HDAC5: variants seen among roughly 807,000 people sequenced by gnomAD.
HDAC5 encodes the protein histone deacetylase 5.
In HDAC5, 25 loss-of-function variants were observed where a neutral mutation model predicts 133.3. The ratio of observed to expected loss-of-function variants is 0.19; its 90% CI spans 0.14 to 0.26. The LOEUF (loss-of-function observed/expected upper bound fraction) is 0.26. Among genes scored for constraint, HDAC5 ranks in the 10% least tolerant of loss-of-function variants. The pLI is 1.00. For synonymous variants in HDAC5, 589 were observed against 610.8 expected (o/e 0.96, Z 0.53); for missense variants, 1,041 against 1,460.5 (o/e 0.71, Z 4.68).
chr17:44,078,978 G>A (rs1036896350), intron 24 of HDAC5, 99 bp from the exon 25 acceptor site: 13 of 1,514,902 alleles, frequency 8.6e-6, no homozygotes, highest in Non-Finnish European at 9.1e-6. Flanking sequence ...CTCACAACAG[G>A]GGCAAACATG....
At position 44,088,415 on chromosome 17, in the gene HDAC5, T is replaced by G; in HGVS notation, c.1571A>C (p.Gln524Pro). 1.3e-6 allele frequency: 2 copies of G among 1,563,604 alleles called. No homozygotes were observed. Among genetic ancestry groups the G allele is most frequent in the Non-Finnish European group, 1.7e-6 (2 of 1,154,554 alleles). The change falls in exon 12 of 27, where the codon CAG becomes CCG. Residue 524 changes from glutamine (Q) to proline (P), a missense_variant. By Grantham distance (76) the Gln-to-Pro change is moderately conservative (BLOSUM62 -1). Transcript: ENST00000682912. ...GCCCAGCTGTAGCTGCTGCTGCTTCTGCTTCTCCAGGAACTGCTGGTGCTG... is the reference window on the plus strand; with the variant it reads ...GCCCAGCTGTAGCTGCTGCTGCTTCGGCTTCTCCAGGAACTGCTGGTGCTG... Reference protein sequence around the residue: ...QQQHQQFLEKQKQQQLQLGKI... With the variant: ...QQQHQQFLEKPKQQQLQLGKI...
At chr17:44,081,846 G>A (rs1352247195) in intron 20 of HDAC5, 1 of 152,216 alleles carries the variant, frequency 6.6e-6, no homozygotes, top group Non-Finnish European at 1.5e-5. Flanking sequence ...CTCCCAAAAT[G>A]CTGGGATTAC....
In HDAC5 at chr17:44,093,667, G is replaced by C; in HGVS notation, c.262C>G (p.Gln88Glu). The change falls in exon 4 of 27, where the codon CAG becomes GAG. Residue 88 changes from glutamine to glutamate, a missense_variant. Transcript: ENST00000682912. ...QELLALKQQQ[Q>E]LQKQLLFAEF... ...GCGAACAGGAGCTGCTTCTGCAGCT[G>C]CTGCTGCTGCTTGAGCGCCAGGAGC... The C allele has an allele frequency of 6.2e-7, 1 of 1,611,490 alleles. No homozygotes were observed. The highest frequency in any genetic ancestry group is 8.5e-7 in the Non-Finnish European group (1 of 1,179,156).
chr17:44,084,773 C>T, intron 15 of HDAC5, 98 bp from the exon 16 acceptor site: 2 of 1,455,246 alleles, frequency 1.4e-6, no homozygotes, highest in Non-Finnish European at 1.9e-6. Flanking sequence ...TTCCTGGCCT[C>T]AGGAGATCCA....
rs199980075 is a variant in HDAC5, at chr17:44,092,698, G to A, written c.750C>T (p.Asp250=). ...LPLPGPYDSR[D]DFPLRKTASE... Reference sequence around the variant, plus strand: ...CACCTGTTTTGCGGAGGGGGAAGTCGTCTCGACTGTCGTAGGGCCCAGGCA... The same window carrying A: ...CACCTGTTTTGCGGAGGGGGAAGTCATCTCGACTGTCGTAGGGCCCAGGCA... The change falls in exon 7 of 27, where the codon GAC becomes GAT. Residue 250 remains aspartate, a synonymous_variant. Coordinates refer to ENST00000682912, the MANE Select transcript of HDAC5 (RefSeq NM_005474.5). 103 of 1,516,326 alleles carry A rather than the reference G, an allele frequency of 6.8e-5. No homozygotes were observed. The African/African-American group carries it at 1.2e-3, about 17-fold the overall frequency. 93.9% of individuals were successfully genotyped at this position (1,516,326 alleles called of 1,614,324 possible).
Position 44,091,703 on chromosome 17 carries a change from G to A in HDAC5, c.1161C>T (p.Leu387=). ...GGGGTATATGCCCTGTACTTACAGTGAGGTGTGAGTTGGTGACAGTGACCG... is the reference window on the plus strand; with the variant it reads ...GGGGTATATGCCCTGTACTTACAGTAAGGTGTGAGTTGGTGACAGTGACCG... ...QATVTVTNSH[L]TASPKLSTQQ... Residue 387 remains leucine (L), a synonymous_variant, in exon 10 of 27, where the codon CTC becomes CTT. Coordinates refer to ENST00000682912, the MANE Select transcript of HDAC5 (RefSeq NM_005474.5). The A allele has an allele frequency of 6.4e-7, 1 of 1,560,540 alleles. No homozygotes were observed. Among genetic ancestry groups the A allele is most frequent in the Non-Finnish European group, 8.7e-7 (1 of 1,154,534 alleles).
At chr17:44,086,368 G>A (rs1168459042) in intron 14 of HDAC5, among the ~76,000 whole-genome samples, 1 of 152,186 alleles carries the variant, frequency 6.6e-6, no homozygotes, top group Admixed American at 6.5e-5. Flanking sequence ...TGAGAAAGAC[G>A]CTACCCACTC....
chr17:44,095,758 A>C (rs1324508189), intron 3 of HDAC5, among the ~76,000 whole-genome samples: 1 of 151,902 alleles, frequency 6.6e-6, no homozygotes, highest in Non-Finnish European at 1.5e-5. Flanking sequence ...AGGTGGGAGG[A>C]GGAGACAGGA....
chr17:44,108,099 G>A (rs2052086449), intron 3 of HDAC5, among the ~76,000 whole-genome samples: 1 of 152,152 alleles, frequency 6.6e-6, no homozygotes, highest in Non-Finnish European at 1.5e-5. Context: ...TGTGCACTGG[G>A]GAGCTGTGGT....
chr17:44,093,824 C>T lies in HDAC5; in HGVS notation c.105G>A (p.Lys35=). 1 of 1,510,476 alleles carries T rather than the reference C, an allele frequency of 6.6e-7. No homozygotes were observed. The highest frequency in any genetic ancestry group is 8.9e-7 in the Non-Finnish European group (1 of 1,129,306). The allele number at this position is 1,510,476 out of a possible 1,614,324, so 93.6% of individuals were successfully genotyped here. The part of the protein sequence containing the change: ...LHSIPVTVEV[K]PVLPRAMPSS... The stretch of plus-strand genomic sequence containing the variant: ...TGGGCATGGCTCTTGGCAGCACCGG[C>T]TTCACCTCCACTGTGGGCAGAAGAG... The change falls in exon 4 of 27, where the codon AAG becomes AAA. Residue 35 remains lysine, a synonymous_variant. Transcript: ENST00000682912.
chr17:44,094,694 TCGACG>T (rs2051150127), intron 3 of HDAC5, among the ~76,000 whole-genome samples: 1 of 152,002 alleles, frequency 6.6e-6, no homozygotes, highest in African/African-American at 2.4e-5. Context: ...TTGTGACTAC[TCGACG>T]CATTTTATGT....
In HDAC5 at chr17:44,092,479, G is replaced by A. The variant is rs1183658398; in HGVS notation, c.821C>T (p.Ala274Val). ...KVRSRLKQKV[A>V]ERRSSPLLRR... ...CAGGAGGGGACTGCTTCTCCGCTCA[G>A]CCACCTTCTGTTTTAGCCTTGAACG... Residue 274 changes from alanine to valine, a missense_variant, in exon 8 of 27, where the codon GCT (alanine) becomes GTT (valine). Transcript: ENST00000682912. 6.2e-7 allele frequency: 1 copy of A among 1,613,968 alleles called. No homozygotes were observed. The highest frequency in any genetic ancestry group is 2.2e-5 in the East Asian group (1 of 44,882).
intron 11 of HDAC5, among the ~76,000 whole-genome samples, chr17:44,090,937 C>A (rs1294955509): frequency 6.6e-6 from 1 of 152,224 alleles, no homozygotes; most frequent in African/African-American, 2.4e-5. Flanking sequence ...GATCCACCCG[C>A]CTCAGCCTCC....
intron 3 of HDAC5, among the ~76,000 whole-genome samples, chr17:44,108,910 G>GT (rs2052163449): frequency 6.6e-6 from 1 of 151,922 alleles, no homozygotes; most frequent in Admixed American, 6.6e-5. Flanking sequence ...CCTCCCTCCT[G>GT]CCAGCATGGA....
At position 44,082,683 on chromosome 17, in the gene HDAC5, G is replaced by A. The variant is rs756236594; in HGVS notation, c.2520-11C>T. 1 of 1,613,652 alleles carries A rather than the reference G, an allele frequency of 6.2e-7. No homozygotes were observed. The highest frequency in any genetic ancestry group is 1.1e-5 in the South Asian group (1 of 91,046). ...AAGAAGCAGAATCCCCTGAGGAGGG[G>A]AGAAAAGGGCAGGAGGTCAGCCTCA... On this transcript the variant is annotated splice_polypyrimidine_tract_variant and intron_variant, in intron 19 of 26. Coordinates refer to ENST00000682912, the MANE Select transcript of HDAC5 (RefSeq NM_005474.5).
In HDAC5 at chr17:44,080,707, T is replaced by C. The variant is rs1169704752; in HGVS notation, c.2727+56A>G. ...CTCCGTGGCTCCCCGCCAGGTCCCA[T>C]TGTGCCACCTCCCAGAGGGGCCAGG... On this transcript the variant is annotated intron_variant, in intron 21 of 26. Coordinates refer to ENST00000682912, the MANE Select transcript of HDAC5 (RefSeq NM_005474.5). The C allele has an allele frequency of 4.9e-5, 79 of 1,612,048 alleles. No homozygotes were observed. The South Asian group carries it at 7.6e-4, about 15-fold the overall frequency.
intron 1 of HDAC5, among the ~76,000 whole-genome samples, chr17:44,122,005 A>G (rs2053036430): frequency 6.6e-6 from 1 of 152,126 alleles, no homozygotes; most frequent in Non-Finnish European, 1.5e-5. Context: ...TCAAGTGAAG[A>G]GAGGGCAAAG....
In HDAC5 at chr17:44,110,765, G is replaced by A. The variant is rs370797021; in HGVS notation, c.58C>T (p.Leu20=). 4 of 1,613,998 alleles carry A rather than the reference G, an allele frequency of 2.5e-6. No individual in the cohort carries two copies. In the East Asian group the frequency reaches 8.9e-5, roughly 36 times the overall value. The stretch of plus-strand genomic sequence containing the variant: ...ATGCTGTGCAGAGAAGTCCGCGGCA[G>A]GATTTCCAAGGATGGTTCCCGACCT... ...MSGREPSLEI[L]PRTSLHSIPV... is the part of the protein sequence containing the mutation. The change falls in exon 3 of 27, where the codon CTG becomes TTG. Residue 20 remains leucine, a synonymous_variant. Coordinates refer to ENST00000682912, the MANE Select transcript of HDAC5 (RefSeq NM_005474.5).
At position 44,115,826 on chromosome 17, in the gene HDAC5, G is replaced by A. The variant is rs141394154; in HGVS notation, c.22+1668C>T. The stretch of plus-strand genomic sequence containing the variant: ...GGAGCTGGAAAGCCAGGCAGGACGC[G>A]GGGCCCATTCCACAGGCCCACTCAG... On this transcript the variant is annotated intron_variant, in intron 2 of 26. Coordinates refer to ENST00000682912, the MANE Select transcript of HDAC5 (RefSeq NM_005474.5). 793 of 152,340 alleles carry A rather than the reference G, an allele frequency of 5.2e-3. 2 individuals carry two copies. The highest frequency in any genetic ancestry group is 8.7e-3 in the Non-Finnish European group (595 of 68,062). 9.4% of individuals were successfully genotyped at this position (152,340 alleles called of 1,614,324 possible). A position where few individuals can be genotyped will look rare whatever the true frequency, so the allele number is the denominator to read the frequency against.
Sources: allele counts gnomAD v4.1 joint callset (sites outside exome capture counted in the v4.1 genomes callset), GRCh38; gene constraint gnomAD v4.1.1; transcripts MANE v1.5; gene names NCBI Gene and HGNC (gene_info 2026-07-23, HGNC 2026-07-21).